PCDHA9: variants seen among roughly 807,000 people sequenced by gnomAD.
The protein encoded by PCDHA9 is protocadherin alpha 9.
In PCDHA9, 62 loss-of-function variants were observed where a neutral mutation model predicts 62.0. The observed-to-expected ratio is 1.00, with a 90% CI of 0.81 to 1.23. The LOEUF is 1.23. PCDHA9 is among the 50% of genes most tolerant of loss of function. The pLI, the probability that PCDHA9 is intolerant of heterozygous loss-of-function variation, is 0.00. For synonymous variants in PCDHA9, 557 were observed against 567.6 expected, an observed-to-expected ratio of 0.98 and a Z score of 0.27; for missense variants, 1,205 against 1,249.8, an observed-to-expected ratio of 0.96 and a Z score of 0.54.
chr5:140,972,359 A>T (rs1466504264), intron 1 of PCDHA9, among the ~76,000 whole-genome samples: 3 of 151,418 alleles, frequency 2.0e-5, no homozygotes, highest in Non-Finnish European at 4.4e-5. Flanking sequence ...TATGTTGCAC[A>T]TGCTGTTAGT....
Position 140,850,709 on chromosome 5 carries a change from G to T in PCDHA9, c.2214G>T (p.Thr738=). 6.3e-7 allele frequency: 1 copy of T among 1,598,236 alleles called. No homozygotes were observed. Among genetic ancestry groups the T allele is most frequent in the East Asian group, 2.2e-5 (1 of 44,848 alleles). Residue 738 remains threonine (T), a synonymous_variant, in exon 1 of 4, where the codon ACG becomes ACT. Transcript: ENST00000532602. The part of the protein sequence containing the change: ...TEGECAPGKP[T]LVCSSAVGSW... ...GCGAGTGCGCGCCTGGCAAGCCGAC[G>T]CTGGTGTGTTCTAGCGCGGTGGGGA...
intron 1 of PCDHA9, among the ~76,000 whole-genome samples, chr5:140,925,821 T>C (rs1381036851): frequency 1.3e-5 from 2 of 152,136 alleles, no homozygotes; most frequent in African/African-American, 4.8e-5. Context: ...CACGTCTTCT[T>C]TGGGGACGGG....
At chr5:140,987,296 A>G (rs782162576) in intron 3 of PCDHA9, among the ~76,000 whole-genome samples, 1 of 152,126 alleles carries the variant, frequency 6.6e-6, no homozygotes, top group African/African-American at 2.4e-5. Context: ...CAAGCCTTCT[A>G]TGTGATACCA....
chr5:141,003,240 C>T (rs1563674729), intron 3 of PCDHA9, among the ~76,000 whole-genome samples: 2 of 152,150 alleles, frequency 1.3e-5, no homozygotes, highest in South Asian at 4.1e-4. Context: ...GAAATTTTGC[C>T]AAAAAGATTC....
chr5:140,995,324 G>A (rs1290299693), intron 3 of PCDHA9, among the ~76,000 whole-genome samples: 1 of 152,190 alleles, frequency 6.6e-6, no homozygotes, highest in African/African-American at 2.4e-5. Context: ...GAACTAACAG[G>A]TGAGTAGTGT....
chr5:140,875,771 C>T lies in PCDHA9; in HGVS notation c.2394+24882C>T, dbSNP rs182160950. 7,595 of 1,614,196 alleles carry T rather than the reference C, an allele frequency of 4.7e-3. 28 individuals carry two copies. Among genetic ancestry groups the T allele is most frequent in the Middle Eastern group, 6.4e-3 (39 of 6,062 alleles). ...CGCGAGAAGCTGTGCGGGCGGAGCG[C>T]GGAGTGCAGTATCCACCTGGAGGTG... On this transcript the variant is annotated intron_variant, in intron 1 of 3. Transcript: ENST00000532602.
intron 1 of PCDHA9, chr5:140,875,436 A>G (rs782083459): frequency 6.4e-7 from 1 of 1,564,660 alleles, no homozygotes; most frequent in Non-Finnish European, 8.6e-7. Flanking sequence ...ATCCCTTAAA[A>G]CTGATTGTCC....
rs782722148 is a variant in PCDHA9 at position 140,857,308 on chromosome 5, T to C, written c.2394+6419T>C. 3.4e-5 allele frequency: 54 copies of C among 1,598,232 alleles called. 3 individuals carry two copies. The highest frequency in any genetic ancestry group is 4.5e-5 in the Non-Finnish European group (53 of 1,167,612). On this transcript the variant is annotated intron_variant, in intron 1 of 3. Transcript: ENST00000532602. ...TGGACCGCGAGAGGGTGTCGGCCTA[T>C]GAGCTGGTGGTGACCGCGCGGGACG...
intron 3 of PCDHA9, among the ~76,000 whole-genome samples, chr5:140,998,381 G>A (rs932010146): frequency 4.6e-5 from 7 of 152,144 alleles, no homozygotes; most frequent in Non-Finnish European, 2.9e-5. Flanking sequence ...TCTCTAGAAA[G>A]TTTAATGCCA....
chr5:140,892,555 T>C (rs1554185273), intron 1 of PCDHA9, among the ~76,000 whole-genome samples: 1 of 152,260 alleles, frequency 6.6e-6, no homozygotes, highest in African/African-American at 2.4e-5. Context: ...TCTCTAGTCC[T>C]TGGAGACTGT....
At chr5:140,892,083 C>T (rs1019565386) in intron 1 of PCDHA9, among the ~76,000 whole-genome samples, 5 of 152,144 alleles carry the variant, frequency 3.3e-5, no homozygotes, top group African/African-American at 1.2e-4. Context: ...TTTCTAGTTT[C>T]CTCTCGAAAC....
intron 1 of PCDHA9, chr5:140,862,879 G>T: frequency 1.8e-6 from 1 of 567,506 alleles, no homozygotes. Context: ...AGGTATTAGT[G>T]CTGGAACGAC....
At chr5:140,959,611 C>T (rs2095501064) in intron 1 of PCDHA9, among the ~76,000 whole-genome samples, 1 of 151,848 alleles carries the variant, frequency 6.6e-6, no homozygotes, top group Non-Finnish European at 1.5e-5. Context: ...GCTTTTCTTG[C>T]TTGTGATAGA....
At chr5:140,885,970 A>G (rs1554182306) in intron 1 of PCDHA9, among the ~76,000 whole-genome samples, 1 of 152,122 alleles carries the variant, frequency 6.6e-6, no homozygotes, top group Non-Finnish European at 1.5e-5. Flanking sequence ...TTTTGAGATA[A>G]TTATAGATTC....
chr5:141,009,729 G>A lies in PCDHA9; in HGVS notation c.2645G>A (p.Gly882Asp). 6.2e-7 allele frequency: 1 copy of A among 1,614,168 alleles called. No homozygotes were observed. The highest frequency in any genetic ancestry group is 8.5e-7 in the Non-Finnish European group (1 of 1,180,028). The change falls in exon 4 of 4, where the codon GGT (glycine) becomes GAT (aspartate). Residue 882 changes from glycine to aspartate, a missense_variant. Physicochemically the swap from Gly to Asp is moderately conservative, Grantham distance 94. This residue lies in a region of PCDHA9 where 887 missense variants were observed against 809.5 expected (regional missense o/e 1.10). Transcript: ENST00000532602. ...GGCAACCCCAAACAATCCGGTCCCG[G>A]TGAGTTGCCCGACAAATTCATTATC... ...GPGNPKQSGP[G>D]ELPDKFIIPG...
intron 2 of PCDHA9, among the ~76,000 whole-genome samples, chr5:140,979,231 C>T (rs1203154373): frequency 6.6e-6 from 1 of 152,186 alleles, no homozygotes; most frequent in Non-Finnish European, 1.5e-5. Context: ...TCTGTAAAAT[C>T]ACAGAAACAG....
chr5:140,943,679 A>C (rs973228943), intron 1 of PCDHA9, among the ~76,000 whole-genome samples: 3 of 152,248 alleles, frequency 2.0e-5, no homozygotes, highest in African/African-American at 7.2e-5. Context: ...TGTGAAAAAA[A>C]GGGATAAGGT....
At chr5:140,959,506 A>G (rs1554224114) in intron 1 of PCDHA9, among the ~76,000 whole-genome samples, 6 of 152,226 alleles carry the variant, frequency 3.9e-5, no homozygotes. Flanking sequence ...AAACTAAAAA[A>G]TTTTAAGATC....
At chr5:140,943,624 G>C (rs2093534515) in intron 1 of PCDHA9, among the ~76,000 whole-genome samples, 2 of 152,106 alleles carry the variant, frequency 1.3e-5, no homozygotes, top group African/African-American at 4.8e-5. Context: ...ATCTGCATAA[G>C]GAAGCTGGAT....
Sources: gnomAD v4.1 joint callset for allele counts (sites outside exome capture counted in the v4.1 genomes callset) on GRCh38, gnomAD v4.1.1 for gene constraint, gnomAD v4.1.1 regional missense constraint, MANE v1.5 for transcripts, NCBI Gene and HGNC (gene_info 2026-07-23, HGNC 2026-07-21) for gene names.